The following RORA variants were observed in gnomAD, a reference collection of about 807,000 sequenced individuals.
RORA encodes the protein RAR related orphan receptor A, also known as nuclear receptor ROR-alpha.
In RORA, 7 loss-of-function variants were observed where a neutral mutation model predicts 69.5. That is an observed-to-expected ratio of 0.10 (90% CI 0.06 to 0.19). RORA has a LOEUF of 0.19. RORA is among the 10% of genes least tolerant of loss of function. RORA has a pLI of 1.00. For missense variants in RORA, 457 were observed against 663.0 expected, an observed-to-expected ratio of 0.69 and a Z score of 3.41; for synonymous variants, 261 against 240.8, an observed-to-expected ratio of 1.08 and a Z score of -0.78.
intron 1 of RORA, among the ~76,000 whole-genome samples, chr15:61,083,322 G>A (rs917883149): frequency 6.6e-6 from 1 of 152,196 alleles, no homozygotes; most frequent in Non-Finnish European, 1.5e-5. Context: ...GCAAGATTAA[G>A]ATTACAAAAC....
chr15:60,874,549 T>G (rs942164742), intron 1 of RORA, among the ~76,000 whole-genome samples: 1 of 152,162 alleles, frequency 6.6e-6, no homozygotes, highest in Non-Finnish European at 1.5e-5. Flanking sequence ...AGTGTAGCTG[T>G]TTTCCAATTC....
intron 1 of RORA, among the ~76,000 whole-genome samples, chr15:60,937,319 G>A (rs1595829025): frequency 6.6e-6 from 1 of 152,170 alleles, no homozygotes; most frequent in African/African-American, 2.4e-5. Context: ...TTGTTTAAGA[G>A]TATTTACTGT....
chr15:60,709,792 A>ATAAAG (rs2071117758), intron 1 of RORA, among the ~76,000 whole-genome samples: 1 of 152,104 alleles, frequency 6.6e-6, no homozygotes, highest in Non-Finnish European at 1.5e-5. Flanking sequence ...AATAATAGCA[A>ATAAAG]TAAAGTACAC....
In RORA at chr15:61,147,930, T is replaced by C. The variant is rs971503774; in HGVS notation, c.166+81123A>G. 5.3e-5 allele frequency among the ~76,000 whole-genome samples: 8 copies of C among 152,230 alleles called. No homozygotes were observed. The highest frequency in any genetic ancestry group is 2.1e-4 in the South Asian group (1 of 4,818). Reference sequence around the variant, plus strand: ...GTTCATCCAGAATTACCTTAAGAAATAGGCATTTTATCAGGAAGGTTATGG... The same window carrying C: ...GTTCATCCAGAATTACCTTAAGAAACAGGCATTTTATCAGGAAGGTTATGG... On this transcript the variant is annotated intron_variant, in intron 1 of 10. Transcript: ENST00000335670. The surrounding 1 kb of genome is among the most constrained non-coding windows in gnomAD (Gnocchi z 4.1).
At chr15:61,196,784 T>C (rs1389736530) in intron 1 of RORA, among the ~76,000 whole-genome samples, 1 of 152,222 alleles carries the variant, frequency 6.6e-6, no homozygotes, top group South Asian at 2.1e-4. Flanking sequence ...ATTGTTACAG[T>C]GTTTTAAAAA....
chr15:60,693,085 C>G (rs1461989412), intron 1 of RORA, among the ~76,000 whole-genome samples: 1 of 152,118 alleles, frequency 6.6e-6, no homozygotes, highest in Non-Finnish European at 1.5e-5. Context: ...AGCAGCACAT[C>G]AAAAAACAAA....
In RORA at chr15:60,901,867, T is replaced by A. The variant is rs1169310453; in HGVS notation, c.167-223181A>T. Among the ~76,000 whole-genome samples, 4 of 152,174 alleles carry A rather than the reference T, an allele frequency of 2.6e-5. No individual in the cohort carries two copies. The South Asian group carries it at 8.3e-4, about 31-fold the overall frequency. On this transcript the variant is annotated intron_variant, in intron 1 of 10. Transcript: ENST00000335670. ...GAAAGAAAGTTATGCATTCCAGTAG[T>A]GAAACTGTGAACTACCTTGAGCTAG...
chr15:60,781,847 T>A (rs1263649030), intron 1 of RORA, among the ~76,000 whole-genome samples: 2 of 152,188 alleles, frequency 1.3e-5, no homozygotes, highest in African/African-American at 4.8e-5. Context: ...AATCCCAGAT[T>A]TTGGAGTCTG....
At chr15:61,136,752 A>C (rs1288993061) in intron 1 of RORA, among the ~76,000 whole-genome samples, 1 of 152,224 alleles carries the variant, frequency 6.6e-6, no homozygotes, top group South Asian at 2.1e-4. Flanking sequence ...GATGGCAATT[A>C]TAACACATTC....
At chr15:60,757,044 T>A (rs16943070) in intron 1 of RORA, among the ~76,000 whole-genome samples, 31,130 of 152,128 alleles carry the variant, frequency 0.2, 3,753 homozygotes, top group African/African-American at 0.34. Context: ...ATTTTAAAAC[T>A]TTAACTCATT....
At chr15:60,662,198 T>C (rs2070313563) in intron 2 of RORA, among the ~76,000 whole-genome samples, 1 of 152,228 alleles carries the variant, frequency 6.6e-6, no homozygotes, top group African/African-American at 2.4e-5. Context: ...CTTATGATGG[T>C]TCCCATCTTT....
At chr15:60,539,358 C>T (rs1183124447) in intron 2 of RORA, among the ~76,000 whole-genome samples, 1 of 152,180 alleles carries the variant, frequency 6.6e-6, no homozygotes, top group Non-Finnish European at 1.5e-5. Context: ...GACTCACATT[C>T]CCTGATGCAT....
chr15:60,614,215 G>A (rs1488274059), intron 2 of RORA, among the ~76,000 whole-genome samples: 1 of 152,102 alleles, frequency 6.6e-6, no homozygotes, highest in East Asian at 1.9e-4. Context: ...AATATCTCAG[G>A]AAGTTAAGTA....
chr15:60,987,944 T>C (rs549246392), intron 1 of RORA, among the ~76,000 whole-genome samples: 1 of 152,282 alleles, frequency 6.6e-6, no homozygotes, highest in South Asian at 2.1e-4. Context: ...CAAGTGCAAA[T>C]ACTGATTGAT....
intron 1 of RORA, among the ~76,000 whole-genome samples, chr15:61,032,091 C>T (rs1024428973): frequency 7.2e-5 from 11 of 152,272 alleles, no homozygotes; most frequent in African/African-American, 2.6e-4. Context: ...ATGTCAAATT[C>T]AGCACATGCT....
intron 1 of RORA, among the ~76,000 whole-genome samples, chr15:60,851,349 G>A (rs1166956427): frequency 6.6e-6 from 1 of 152,246 alleles, no homozygotes; most frequent in African/African-American, 2.4e-5. Context: ...TTCCTTCTGT[G>A]CAAGAAGGCA....
intron 1 of RORA, chr15:60,847,856 A>G (rs1244101668): frequency 2.0e-5 from 3 of 152,192 alleles, no homozygotes; most frequent in East Asian, 1.9e-4. Flanking sequence ...ATCTGATTAC[A>G]TTGTATTTCT....
rs943504986 is a variant in RORA, at chr15:60,779,783, T to C, written c.167-101097A>G. ...CATTTCCCCAGGAATTGCTGTAAAC[T>C]GATAAGCACTGATATTCTTTCCATT... On this transcript the variant is annotated intron_variant, in intron 1 of 10. Transcript: ENST00000335670. Among the ~76,000 whole-genome samples, 4 of 152,218 alleles carry C rather than the reference T, an allele frequency of 2.6e-5. No individual in the cohort carries two copies. The South Asian group carries it at 8.3e-4, about 32-fold the overall frequency.
intron 1 of RORA, among the ~76,000 whole-genome samples, chr15:61,098,088 CCCT>C (rs2078818405): frequency 1.4e-5 from 2 of 147,120 alleles, no homozygotes; most frequent in African/African-American, 2.5e-5. Context: ...CTCCTTCTCC[CCCT>C]CCTTCCTCCT....
Sources: gnomAD v4.1 joint callset for allele counts (sites outside exome capture counted in the v4.1 genomes callset) on GRCh38, gnomAD v4.1.1 for gene constraint, Gnocchi (gnomAD v3.1) non-coding constraint, MANE v1.5 for transcripts, NCBI Gene and HGNC (gene_info 2026-07-23, HGNC 2026-07-21) for gene names.